ZC3H6: variants seen among roughly 807,000 people sequenced by gnomAD.
ZC3H6 encodes zinc finger CCCH-type containing 6.
In ZC3H6, 40 loss-of-function variants were observed where a neutral mutation model predicts 107.7. The observed-to-expected ratio is 0.37, with a 90% confidence interval of 0.29 to 0.48. ZC3H6 has a LOEUF of 0.48. ZC3H6 is among the 20% of genes least tolerant of loss of function. The pLI, the probability that ZC3H6 is intolerant of heterozygous loss-of-function variation, is 0.98. For synonymous variants in ZC3H6, 493 were observed against 487.9 expected, an observed-to-expected ratio of 1.01 and a Z score of -0.14; for missense variants, 1,267 against 1,410.4, an observed-to-expected ratio of 0.90 and a Z score of 1.63.
chr2:112,339,873 A>G lies in ZC3H6; in HGVS notation c.*7385A>G, dbSNP rs1390271755. 6.6e-6 allele frequency: 1 copy of G among 152,192 alleles called. No homozygotes were observed. The highest frequency in any genetic ancestry group is 2.4e-5 in the African/African-American group (1 of 41,444). 9.4% of individuals were successfully genotyped at this position (152,192 alleles called of 1,614,324 possible). The stretch of plus-strand genomic sequence containing the variant: ...GCTCAAAAGACACCAGCAAGGGGGT[A>G]TACTTTGCTGAACTGATAAATTATT... On this transcript the variant is annotated 3_prime_UTR_variant, in exon 12 of 12. Transcript: ENST00000409871.
intron 5 of ZC3H6, among the ~76,000 whole-genome samples, chr2:112,312,672 C>T (rs1191995649): frequency 1.3e-5 from 2 of 152,026 alleles, no homozygotes; most frequent in African/African-American, 4.8e-5. Context: ...ACCAGCCTGG[C>T]CAACATGGAG....
intron 1 of ZC3H6, among the ~76,000 whole-genome samples, chr2:112,279,795 C>T (rs923860781): frequency 1.2e-4 from 18 of 152,190 alleles, no homozygotes; most frequent in Non-Finnish European, 2.5e-4. Flanking sequence ...TTACAAGGTT[C>T]AGTGAATTGT....
chr2:112,288,418 C>G (rs1433816464), intron 1 of ZC3H6, among the ~76,000 whole-genome samples: 1 of 152,176 alleles, frequency 6.6e-6, no homozygotes, highest in African/African-American at 2.4e-5. Context: ...TCGTTGAGGG[C>G]TATCTACTAG....
chr2:112,309,325 T>C (rs891272916), intron 3 of ZC3H6, among the ~76,000 whole-genome samples: 3 of 152,228 alleles, frequency 2.0e-5, no homozygotes, highest in African/African-American at 4.8e-5. Flanking sequence ...TTTGTTGTAA[T>C]AAACAGTTTC....
rs778353397 is a variant in ZC3H6, at chr2:112,316,731, C to T, written c.864+145C>T. 29 of 586,584 alleles carry T rather than the reference C, an allele frequency of 4.9e-5. No homozygotes were observed. The East Asian group carries it at 8.2e-4, about 17-fold the overall frequency. The allele number at this position is 586,584 out of a possible 1,614,324, so 36.3% of individuals were successfully genotyped here. On this transcript the variant is annotated intron_variant, in intron 6 of 11. Transcript: ENST00000409871. ...TTAAAATGTATCTTGCATGGAAATA[C>T]CGTACATTAGAGCTCATTTAATTAT...
intron 1 of ZC3H6, among the ~76,000 whole-genome samples, chr2:112,289,305 A>G (rs1433262586): frequency 1.6e-4 from 22 of 136,792 alleles, no homozygotes; most frequent in Non-Finnish European, 7.8e-5. Flanking sequence ...GGCCCTGAAC[A>G]CTTTTTTTTT....
chr2:112,276,030 G>T lies in ZC3H6; in HGVS notation c.32+4G>T. ...CTGAACATGCAGGGCACGACAGGTC[G>T]GGAACCCTTCTTGTCTGTCTTTCTG... On this transcript the variant is annotated splice_donor_region_variant and intron_variant, in intron 1 of 11. Transcript: ENST00000409871. 6.5e-7 allele frequency: 1 copy of T among 1,542,594 alleles called. No individual in the cohort carries two copies. The highest frequency in any genetic ancestry group is 2.5e-5 in the East Asian group (1 of 40,052).
At chr2:112,276,353 T>G (rs1340832800) in intron 1 of ZC3H6, among the ~76,000 whole-genome samples, 1 of 151,554 alleles carries the variant, frequency 6.6e-6, no homozygotes, top group East Asian at 1.9e-4. Context: ...AGGTCCTGCT[T>G]CTGCCCGTCC....
In ZC3H6 at chr2:112,275,870, C is replaced by A; in HGVS notation, c.-125C>A. ...CACTAGTAACCGTGAGTTTTTACCA[C>A]TTCGTCACCTGTCGGCGGCGGCCGG... On this transcript the variant is annotated 5_prime_UTR_variant, in exon 1 of 12. Transcript: ENST00000409871. The A allele has an allele frequency of 1.4e-6, 1 of 713,904 alleles. No individual in the cohort carries two copies. The highest frequency in any genetic ancestry group is 2.2e-6 in the Non-Finnish European group (1 of 444,612). 44.2% of individuals were successfully genotyped at this position (713,904 alleles called of 1,614,324 possible). A position where few individuals can be genotyped will look rare whatever the true frequency, so the allele number is the denominator to read the frequency against.
intron 1 of ZC3H6, among the ~76,000 whole-genome samples, chr2:112,296,771 G>T (rs1005752283): frequency 2.6e-5 from 4 of 152,156 alleles, no homozygotes; most frequent in Admixed American, 6.5e-5. Context: ...AAATAGCAAG[G>T]TGCCATGCTA....
At chr2:112,319,336 C>T (rs748241311) in intron 7 of ZC3H6, among the ~76,000 whole-genome samples, 27 of 152,134 alleles carry the variant, frequency 1.8e-4, no homozygotes, top group Non-Finnish European at 3.4e-4. Flanking sequence ...ACCTCCCCCA[C>T]TCCCATAACT....
Position 112,331,157 on chromosome 2 carries a change from A to G in ZC3H6, c.2239A>G (p.Lys747Glu). ...CACTCCTACTGATCCAAGACTTGCTAAAGAGAAAAGTAAAGGAAACCAAGT... is the reference window on the plus strand; with the variant it reads ...CACTCCTACTGATCCAAGACTTGCTGAAGAGAAAAGTAAAGGAAACCAAGT... ...LSTPTDPRLA[K>E]EKSKGNQVVD... The change falls in exon 12 of 12, where the codon AAA (lysine) becomes GAA (glutamate). Residue 747 changes from lysine to glutamate, a missense_variant. Transcript: ENST00000409871. 1 of 1,613,704 alleles carries G rather than the reference A, an allele frequency of 6.2e-7. No homozygotes were observed. Among genetic ancestry groups the G allele is most frequent in the Non-Finnish European group, 8.5e-7 (1 of 1,179,754 alleles).
rs1310999105 is a variant in ZC3H6 at position 112,338,976 on chromosome 2, C to A, written c.*6488C>A. On this transcript the variant is annotated 3_prime_UTR_variant, in exon 12 of 12. Transcript: ENST00000409871. ...CAGGCTGGAGTACAGCTCACAGCAA[C>A]CTCTGCCTCCCAGGTTCAAGCAATT... 1 of 148,252 alleles carries A rather than the reference C, an allele frequency of 6.7e-6. No homozygotes were observed. The highest frequency in any genetic ancestry group is 2.5e-5 in the African/African-American group (1 of 40,686). 9.2% of individuals were successfully genotyped at this position (148,252 alleles called of 1,614,324 possible).
intron 3 of ZC3H6, among the ~76,000 whole-genome samples, chr2:112,304,536 G>C (rs1676440347): frequency 6.6e-6 from 1 of 152,054 alleles, no homozygotes; most frequent in Non-Finnish European, 1.5e-5. Context: ...GGAACCCCTG[G>C]TGTTTCTCTG....
chr2:112,321,577 A>G (rs987025846), intron 7 of ZC3H6, among the ~76,000 whole-genome samples, 179 bp from the exon 8 acceptor site: 1 of 152,066 alleles, frequency 6.6e-6, no homozygotes, highest in Non-Finnish European at 1.5e-5. Context: ...AACACTTAGC[A>G]TGAGTTCTAC....
rs1676698812 is a variant in ZC3H6, at chr2:112,316,498, T to G, written c.776T>G (p.Val259Gly). The change falls in exon 6 of 12, where the codon GTT (valine) becomes GGT (glycine). Residue 259 changes from valine to glycine, a missense_variant. Transcript: ENST00000409871. The stretch of plus-strand genomic sequence containing the variant: ...AATAAACCAGGGAAAAAATGGAAGG[T>G]TATGACTCAGGAATTTATTAATCAG... ...EYNKPGKKWK[V>G]MTQEFINQHT... is the part of the protein sequence containing the mutation. The G allele has an allele frequency of 6.2e-7, 1 of 1,608,816 alleles. No individual in the cohort carries two copies. Among genetic ancestry groups the G allele is most frequent in the African/African-American group, 1.3e-5 (1 of 74,690 alleles).
At chr2:112,322,084 CTT>C (rs1439219667) in intron 8 of ZC3H6, among the ~76,000 whole-genome samples, 9 of 145,912 alleles carry the variant, frequency 6.2e-5, no homozygotes, top group Non-Finnish European at 7.6e-5. Flanking sequence ...TTTTTTTTTT[CTT>C]TCTCTCCCCC....
rs763325427 is a variant in ZC3H6 at position 112,331,739 on chromosome 2, A to G, written c.2821A>G (p.Thr941Ala). The change falls in exon 12 of 12, where the codon ACA becomes GCA. Residue 941 changes from threonine (T) to alanine (A), a missense_variant. Transcript: ENST00000409871. ...AGCAGCCAAAGCCAAAATTAACACA[A>G]CAAACAGAGAAGGCTACCTAGAACA... ...KLAAKAKINT[T>A]NREGYLEQFG... 4.3e-6 allele frequency: 7 copies of G among 1,613,756 alleles called. No individual in the cohort carries two copies. The highest frequency in any genetic ancestry group is 5.9e-6 in the Non-Finnish European group (7 of 1,179,878).
At chr2:112,280,838 T>A (rs1487416649) in intron 1 of ZC3H6, among the ~76,000 whole-genome samples, 1 of 152,120 alleles carries the variant, frequency 6.6e-6, no homozygotes, top group Non-Finnish European at 1.5e-5. Flanking sequence ...CGGATTAAAT[T>A]TGGGGCCAGA....
Sources: gnomAD v4.1 joint callset for allele counts (sites outside exome capture counted in the v4.1 genomes callset) on GRCh38, gnomAD v4.1.1 for gene constraint, MANE v1.5 for transcripts, NCBI Gene and HGNC (gene_info 2026-07-23, HGNC 2026-07-21) for gene names.